Variants in CDKAL1 observed in about 807,000 individuals in gnomAD.
CDKAL1 encodes the protein threonylcarbamoyladenosine tRNA methylthiotransferase.
Under a neutral mutation model 68.2 loss-of-function variants are expected in CDKAL1, and 32 were observed. The ratio of observed to expected loss-of-function variants is 0.47; its 90% confidence interval spans 0.35 to 0.63. The LOEUF is 0.63. Ranked by LOEUF, CDKAL1 falls within the 30% of genes least tolerant of loss-of-function variation. The pLI, the probability that CDKAL1 is intolerant of heterozygous loss-of-function variation, is 0.00. For synonymous variants in CDKAL1, 234 were observed against 244.3 expected, an observed-to-expected ratio of 0.96 and a Z score of 0.39; for missense variants, 606 against 696.7, an observed-to-expected ratio of 0.87 and a Z score of 1.47.
At chr6:20,999,092 G>C (rs555472427) in intron 10 of CDKAL1, among the ~76,000 whole-genome samples, 1 of 152,178 alleles carries the variant, frequency 6.6e-6, no homozygotes, top group South Asian at 2.1e-4. Flanking sequence ...TGAGGTAACA[G>C]ATGTGAAAGT....
chr6:20,959,548 CTTT>C (rs752785251), intron 10 of CDKAL1, among the ~76,000 whole-genome samples: 1 of 143,928 alleles, frequency 6.9e-6, no homozygotes, highest in Non-Finnish European at 1.5e-5. Context: ...TCCTCTATAT[CTTT>C]TTTTTTTTTT....
At chr6:20,944,776 A>C (rs1764155166) in intron 9 of CDKAL1, among the ~76,000 whole-genome samples, 1 of 152,254 alleles carries the variant, frequency 6.6e-6, no homozygotes, top group Non-Finnish European at 1.5e-5. Context: ...GTCAAGTTAT[A>C]GAACTGGTTA....
chr6:21,148,443 T>C (rs1260798729), intron 13 of CDKAL1, among the ~76,000 whole-genome samples: 3 of 152,208 alleles, frequency 2.0e-5, no homozygotes, highest in Admixed American at 2.0e-4. Flanking sequence ...ATAACTTAAT[T>C]CATAGACAAC....
chr6:21,143,673 G>C (rs1776030175), intron 13 of CDKAL1, among the ~76,000 whole-genome samples: 1 of 152,084 alleles, frequency 6.6e-6, no homozygotes, highest in Non-Finnish European at 1.5e-5. Context: ...CCATAAAAAT[G>C]ATCAACTATA....
intron 4 of CDKAL1, among the ~76,000 whole-genome samples, chr6:20,636,289 T>C (rs1767901217): frequency 6.6e-6 from 1 of 152,192 alleles, no homozygotes; most frequent in South Asian, 2.1e-4. Context: ...GTTGTTCATT[T>C]TGGTGTTCCT....
intron 9 of CDKAL1, among the ~76,000 whole-genome samples, chr6:20,926,255 A>G (rs1184968195): frequency 6.6e-6 from 1 of 152,106 alleles, no homozygotes; most frequent in Non-Finnish European, 1.5e-5. Flanking sequence ...TGGACTGGAC[A>G]CTGACCCAGC....
At chr6:20,566,351 G>A (rs540773756) in intron 4 of CDKAL1, among the ~76,000 whole-genome samples, 21 of 152,092 alleles carry the variant, frequency 1.4e-4, no homozygotes, top group African/African-American at 4.6e-4. Flanking sequence ...TTTTAATTTC[G>A]ATCCTCTGTG....
intron 9 of CDKAL1, among the ~76,000 whole-genome samples, chr6:20,932,897 T>G (rs1763531573): frequency 6.6e-6 from 1 of 152,210 alleles, no homozygotes; most frequent in Non-Finnish European, 1.5e-5. Flanking sequence ...GCCAAGGACC[T>G]GTACTAGATG....
intron 8 of CDKAL1, among the ~76,000 whole-genome samples, chr6:20,822,805 C>G (rs185192536): frequency 6.6e-6 from 1 of 152,164 alleles, no homozygotes; most frequent in East Asian, 1.9e-4. Flanking sequence ...TCACCTTCCA[C>G]CATGATTTAA....
chr6:20,676,579 A>G (rs28856096), intron 5 of CDKAL1, among the ~76,000 whole-genome samples: 13,991 of 151,824 alleles, frequency 0.092, 2,085 homozygotes, highest in African/African-American at 0.31. Context: ...AGACAGGAGA[A>G]TGGTATGAAC....
chr6:20,776,381 A>G (rs1055647187), intron 7 of CDKAL1, among the ~76,000 whole-genome samples: 6 of 152,210 alleles, frequency 3.9e-5, no homozygotes, highest in African/African-American at 1.4e-4. Flanking sequence ...TGACTTTAGC[A>G]TGTTTCCATA....
At chr6:21,198,875 A>T (rs1236188658) in intron 14 of CDKAL1, among the ~76,000 whole-genome samples, 1 of 152,186 alleles carries the variant, frequency 6.6e-6, no homozygotes, top group African/African-American at 2.4e-5. Flanking sequence ...TGAGGAAAAG[A>T]GAGTGCCTCT....
chr6:20,971,007 C>A (rs970838299), intron 10 of CDKAL1, among the ~76,000 whole-genome samples: 7 of 152,124 alleles, frequency 4.6e-5, no homozygotes, highest in African/African-American at 1.7e-4. Flanking sequence ...TGCCACCACA[C>A]CCGGCTAATT....
At chr6:21,060,576 A>AT (rs1416307839) in intron 11 of CDKAL1, among the ~76,000 whole-genome samples, 2 of 149,328 alleles carry the variant, frequency 1.3e-5, no homozygotes, top group East Asian at 2.0e-4. Context: ...TTTTCATTTG[A>AT]TTTTTTCTCT....
chr6:20,554,425 T>G (rs756063783), intron 4 of CDKAL1, among the ~76,000 whole-genome samples: 2 of 152,216 alleles, frequency 1.3e-5, no homozygotes, highest in Non-Finnish European at 2.9e-5. Context: ...GGTAAATTGT[T>G]TTCAGTGTGC....
intron 4 of CDKAL1, among the ~76,000 whole-genome samples, chr6:20,556,277 A>G (rs752749842): frequency 5.3e-5 from 8 of 152,090 alleles, no homozygotes; most frequent in Non-Finnish European, 1.0e-4. Context: ...AGGCAGGAGA[A>G]TAGCTTGAAC....
intron 9 of CDKAL1, among the ~76,000 whole-genome samples, chr6:20,902,938 C>T (rs1460319250): frequency 6.6e-6 from 1 of 152,012 alleles, no homozygotes; most frequent in African/African-American, 2.4e-5. Context: ...AGTAGTAAGT[C>T]ATTTTTCTGT....
chr6:20,655,374 G>C (rs927637268), intron 5 of CDKAL1, among the ~76,000 whole-genome samples: 1 of 152,100 alleles, frequency 6.6e-6, no homozygotes, highest in African/African-American at 2.4e-5. Context: ...AAGTGGAGGT[G>C]TTCAGAATTG....
chr6:21,196,984 C>A (rs988182433), intron 13 of CDKAL1, among the ~76,000 whole-genome samples: 1 of 151,980 alleles, frequency 6.6e-6, no homozygotes, highest in South Asian at 2.1e-4. Context: ...ATGGCAAAAC[C>A]CCGTCTCTAC....
Sources: gnomAD v4.1 joint callset for allele counts (sites outside exome capture counted in the v4.1 genomes callset) on GRCh38, gnomAD v4.1.1 for gene constraint, MANE v1.5 for transcripts, NCBI Gene and HGNC (gene_info 2026-07-23, HGNC 2026-07-21) for gene names.